Variants in PRR16 observed in about 807,000 individuals in gnomAD.
PRR16 encodes proline rich 16, also known as protein Largen.
PRR16 carries 6 observed loss-of-function variants against 18.2 expected under a neutral mutation model. The observed-to-expected ratio is 0.33, with a 90% CI of 0.18 to 0.65. The LOEUF (loss-of-function observed/expected upper bound fraction) is 0.65. Ranked by LOEUF, PRR16 falls within the 30% of genes least tolerant of loss-of-function variation. The probability of loss-of-function intolerance (pLI) is 0.74; values close to 1 mark genes in which losing one functional copy is unlikely to be tolerated. For synonymous variants in PRR16, 151 were observed against 147.8 expected (o/e 1.02, Z -0.16); for missense variants, 412 against 376.6 (o/e 1.09, Z -0.78).
the PRR16 span, among the ~76,000 whole-genome samples, chr5:120,729,723 G>A: frequency 6.6e-6 from 1 of 152,126 alleles, no homozygotes; most frequent in African/African-American, 2.4e-5. Context: ...TGAGTGGAGA[G>A]TCTTAGAAAG....
chr5:120,785,589 T>TTTTTTTTTTTTTTTTTTGG, the PRR16 span, among the ~76,000 whole-genome samples: 1 of 144,098 alleles, frequency 6.9e-6, no homozygotes, highest in African/African-American at 2.5e-5. Flanking sequence ...TTTTTTTTTT[T>TTTTTTTTTTTTTTTTTTGG]TGAGACAGAG....
chr5:120,502,817 T>C (rs1174983990), intron 1 of PRR16, among the ~76,000 whole-genome samples: 1 of 152,062 alleles, frequency 6.6e-6, no homozygotes, highest in African/African-American at 2.4e-5. Context: ...AAACTATGGG[T>C]CTATTGTAAA....
At chr5:120,546,690 A>C (rs936428633) in intron 1 of PRR16, among the ~76,000 whole-genome samples, 4 of 152,064 alleles carry the variant, frequency 2.6e-5, no homozygotes, top group African/African-American at 9.7e-5. Context: ...AGTTCTTAGG[A>C]GAATTGAGAG....
At chr5:120,771,583 A>G in the PRR16 span, among the ~76,000 whole-genome samples, 2 of 152,120 alleles carry the variant, frequency 1.3e-5, no homozygotes, top group African/African-American at 2.4e-5. Context: ...GGGTGAAACC[A>G]TAATAAAGTC....
intron 1 of PRR16, among the ~76,000 whole-genome samples, chr5:120,493,309 G>A (rs1304213380): frequency 1.3e-5 from 2 of 152,104 alleles, no homozygotes; most frequent in Non-Finnish European, 2.9e-5. Flanking sequence ...CTGATGATTA[G>A]TGATGTTGAA....
At chr5:120,768,896 AAATT>A in the PRR16 span, among the ~76,000 whole-genome samples, 1 of 151,778 alleles carries the variant, frequency 6.6e-6, no homozygotes, top group African/African-American at 2.4e-5. Flanking sequence ...GCTAATTAAA[AAATT>A]AATTAAAACG....
intron 1 of PRR16, among the ~76,000 whole-genome samples, chr5:120,574,817 A>C (rs974921901): frequency 3.4e-5 from 5 of 149,114 alleles, no homozygotes; most frequent in Non-Finnish European, 5.9e-5. Flanking sequence ...AATTGACACA[A>C]CTACTTTGAC....
At chr5:120,649,306 C>T (rs1253317117) in intron 1 of PRR16, among the ~76,000 whole-genome samples, 1 of 152,124 alleles carries the variant, frequency 6.6e-6, no homozygotes, top group Non-Finnish European at 1.5e-5. Context: ...CAATGCATTT[C>T]TTGCCGATTT....
At chr5:120,683,102 G>T (rs1014430773) in intron 1 of PRR16, among the ~76,000 whole-genome samples, 15 of 152,032 alleles carry the variant, frequency 9.9e-5, no homozygotes, top group African/African-American at 2.9e-4. Flanking sequence ...AGAGAGATTG[G>T]GAACAGAAAT....
At chr5:120,654,772 G>A (rs1755909277) in intron 1 of PRR16, among the ~76,000 whole-genome samples, 1 of 151,720 alleles carries the variant, frequency 6.6e-6, no homozygotes, top group Non-Finnish European at 1.5e-5. Flanking sequence ...TTATGACCAT[G>A]TTTAAAACTT....
chr5:120,516,192 G>C (rs1290383337), intron 1 of PRR16, among the ~76,000 whole-genome samples: 1 of 152,126 alleles, frequency 6.6e-6, no homozygotes, highest in African/African-American at 2.4e-5. Flanking sequence ...GGGAGGTGGA[G>C]GTGGGAGGAT....
intron 1 of PRR16, among the ~76,000 whole-genome samples, chr5:120,488,698 A>C (rs2655065): frequency 6.6e-6 from 1 of 151,678 alleles, no homozygotes; most frequent in African/African-American, 2.4e-5. Context: ...TAGCTTTTGA[A>C]TGTGTTTGCT....
intron 1 of PRR16, among the ~76,000 whole-genome samples, chr5:120,476,748 C>G (rs1323350813): frequency 6.6e-6 from 1 of 152,084 alleles, no homozygotes; most frequent in African/African-American, 2.4e-5. Context: ...TGTTAAAACC[C>G]TTTCTTAAGC....
At chr5:120,508,123 C>G (rs950844886) in intron 1 of PRR16, among the ~76,000 whole-genome samples, 1 of 152,096 alleles carries the variant, frequency 6.6e-6, no homozygotes, top group Non-Finnish European at 1.5e-5. Flanking sequence ...GGAGCAGACT[C>G]AGCTGCACAT....
At chr5:120,748,865 A>G in the PRR16 span, among the ~76,000 whole-genome samples, 1 of 152,170 alleles carries the variant, frequency 6.6e-6, no homozygotes, top group Non-Finnish European at 1.5e-5. Context: ...GAAACGTCAG[A>G]ATGAAAATTT....
chr5:120,758,925 G>A, the PRR16 span, among the ~76,000 whole-genome samples: 1 of 149,894 alleles, frequency 6.7e-6, no homozygotes, highest in Non-Finnish European at 1.5e-5. Context: ...GATACAAATA[G>A]AAATTGCAGT....
At chr5:120,774,428 A>T in the PRR16 span, among the ~76,000 whole-genome samples, 1 of 152,114 alleles carries the variant, frequency 6.6e-6, no homozygotes, top group Non-Finnish European at 1.5e-5. Flanking sequence ...TTGGAGTTTT[A>T]TATGTATAAA....
Position 120,686,904 on chromosome 5 carries a change from C to T in PRR16, c.*195C>T, listed in dbSNP as rs1286653326. ...GTATGCATTATTTTAAATGTTGTAT[C>T]ATTAAAAACCTCAGAATGATGAAAA... On this transcript the variant is annotated 3_prime_UTR_variant, in exon 2 of 2. Transcript: ENST00000407149. The T allele has an allele frequency of 5.0e-6, 2 of 402,408 alleles. No individual in the cohort carries two copies. The highest frequency in any genetic ancestry group is 8.6e-6 in the Non-Finnish European group (2 of 233,388). The allele number at this position is 402,408 out of a possible 1,614,324, so 24.9% of individuals were successfully genotyped here. A position where few individuals can be genotyped will look rare whatever the true frequency, so the allele number is the denominator to read the frequency against.
At chr5:120,672,235 G>GGTGTGT (rs1191891129) in intron 1 of PRR16, among the ~76,000 whole-genome samples, 1 of 87,288 alleles carries the variant, frequency 1.1e-5, no homozygotes. Context: ...GCAGGTGAGG[G>GGTGTGT]GTCTGTGTGT....
Sources: allele counts gnomAD v4.1 joint callset (sites outside exome capture counted in the v4.1 genomes callset), GRCh38; gene constraint gnomAD v4.1.1; transcripts MANE v1.5; gene names NCBI Gene and HGNC (gene_info 2026-07-23, HGNC 2026-07-21).